Variants in CNOT10 observed in about 807,000 individuals in gnomAD.
CNOT10 encodes CCR4-NOT transcription complex, subunit 10.
A neutral mutation model predicts 94.6 loss-of-function variants in CNOT10; 30 were observed. The ratio of observed to expected loss-of-function variants is 0.32; its 90% CI spans 0.24 to 0.43. CNOT10 has a LOEUF of 0.43. Ranked by LOEUF, CNOT10 falls within the 20% of genes least tolerant of loss-of-function variation. The pLI is 1.00. For missense variants in CNOT10, 759 were observed against 877.2 expected (o/e 0.87, Z 1.70); for synonymous variants, 289 against 301.6 (o/e 0.96, Z 0.43).
intron 1 of CNOT10, among the ~76,000 whole-genome samples, chr3:32,689,222 A>T (rs1696751739): frequency 6.6e-6 from 1 of 151,998 alleles, no homozygotes; most frequent in African/African-American, 2.4e-5. Context: ...TCGTGGTGGC[A>T]GACGCCTGTA....
chr3:32,732,572 C>T (rs982115044), intron 10 of CNOT10, among the ~76,000 whole-genome samples: 5 of 151,296 alleles, frequency 3.3e-5, no homozygotes, highest in Non-Finnish European at 4.4e-5. Flanking sequence ...GGCAACAGAG[C>T]CAGACCTTGT....
intron 13 of CNOT10, among the ~76,000 whole-genome samples, chr3:32,748,622 C>T (rs1156566502): frequency 6.6e-6 from 1 of 151,774 alleles, no homozygotes; most frequent in African/African-American, 2.4e-5. Flanking sequence ...AAATTATTCT[C>T]CTGCCTCAGC....
chr3:32,717,765 C>T (rs1319093986), intron 7 of CNOT10, among the ~76,000 whole-genome samples: 1 of 151,958 alleles, frequency 6.6e-6, no homozygotes. Flanking sequence ...ACTAGGGAGG[C>T]TAAAGTGGGA....
chr3:32,689,734 G>A (rs1429749906), intron 1 of CNOT10, among the ~76,000 whole-genome samples: 1 of 152,076 alleles, frequency 6.6e-6, no homozygotes, highest in Non-Finnish European at 1.5e-5. Context: ...TGGGAGAATC[G>A]CTTGAGGCCA....
intron 1 of CNOT10, among the ~76,000 whole-genome samples, chr3:32,687,458 T>TG (rs1696668257): frequency 1.1e-4 from 12 of 108,046 alleles, no homozygotes; most frequent in African/African-American, 2.3e-4. Flanking sequence ...TTTTGTTTTT[T>TG]TTTTTTTTTT....
At position 32,725,439 on chromosome 3, in the gene CNOT10, A is replaced by T; in HGVS notation, c.863-11A>T. 6.2e-7 allele frequency: 1 copy of T among 1,611,750 alleles called. No homozygotes were observed. Among genetic ancestry groups the T allele is most frequent in the East Asian group, 2.2e-5 (1 of 44,866 alleles). ...TTTTTCTGTGGACAAATTTATTTGCATTTTTTTCAGGTGAATGCTTGAGAT... is the reference window on the plus strand; with the variant it reads ...TTTTTCTGTGGACAAATTTATTTGCTTTTTTTTCAGGTGAATGCTTGAGAT... On this transcript the variant is annotated splice_polypyrimidine_tract_variant and intron_variant, in intron 8 of 18. Transcript: ENST00000328834.
At chr3:32,687,687 T>C (rs1187692449) in intron 1 of CNOT10, 2 of 152,076 alleles carry the variant, frequency 1.3e-5, no homozygotes, top group Non-Finnish European at 2.9e-5. Flanking sequence ...TTTCCTGACC[T>C]TGTGATCCGC....
chr3:32,695,604 A>G, intron 1 of CNOT10: 1 of 1,535,128 alleles, frequency 6.5e-7, no homozygotes, highest in African/African-American at 1.4e-5. Flanking sequence ...GTTCAAACCT[A>G]AAGGCAATTG....
chr3:32,714,337 C>A (rs574605620), intron 5 of CNOT10, among the ~76,000 whole-genome samples: 2 of 146,840 alleles, frequency 1.4e-5, no homozygotes, highest in African/African-American at 5.0e-5. Flanking sequence ...GGAATTAAGA[C>A]AATAGAATCC....
At chr3:32,726,350 T>C (rs1698664306) in intron 9 of CNOT10, among the ~76,000 whole-genome samples, 1 of 152,160 alleles carries the variant, frequency 6.6e-6, no homozygotes, top group African/African-American at 2.4e-5. Flanking sequence ...ATCATATGGA[T>C]CCTTGATCTG....
chr3:32,751,815 C>T (rs187920655), intron 13 of CNOT10, among the ~76,000 whole-genome samples: 1 of 152,202 alleles, frequency 6.6e-6, no homozygotes, highest in Non-Finnish European at 1.5e-5. Flanking sequence ...TTCAGTCTTA[C>T]GACTGAGTGT....
chr3:32,695,222 A>G (rs1696996369), intron 1 of CNOT10, among the ~76,000 whole-genome samples: 1 of 152,184 alleles, frequency 6.6e-6, no homozygotes, highest in Non-Finnish European at 1.5e-5. Flanking sequence ...TTGGTAAGTC[A>G]AGTATACTTG....
intron 11 of CNOT10, among the ~76,000 whole-genome samples, chr3:32,733,992 A>G (rs572415161): frequency 8.5e-5 from 13 of 152,242 alleles, no homozygotes; most frequent in Non-Finnish European, 1.5e-4. Context: ...AAGCTGTCAC[A>G]TGTATAATCT....
intron 1 of CNOT10, among the ~76,000 whole-genome samples, chr3:32,691,159 C>CTTTTT (rs34462848): frequency 2.3e-5 from 2 of 88,178 alleles, no homozygotes; most frequent in Admixed American, 1.4e-4. Context: ...CCACAGCCAG[C>CTTTTT]TTTTTTTTTT....
At chr3:32,726,337 A>G (rs1054014655) in intron 9 of CNOT10, among the ~76,000 whole-genome samples, 3 of 152,182 alleles carry the variant, frequency 2.0e-5, no homozygotes, top group African/African-American at 7.2e-5. Context: ...TTTAATATTC[A>G]TTATCATATG....
rs191344017 is a variant in CNOT10 at position 32,702,527 on chromosome 3, A to T, written c.23-1341A>T. Reference sequence around the variant, plus strand: ...ACTTAACATATTAAAGAAACTTTTTAAATGTGTTAATATTTTGGATTTCTG... The same window carrying T: ...ACTTAACATATTAAAGAAACTTTTTTAATGTGTTAATATTTTGGATTTCTG... On this transcript the variant is annotated intron_variant, in intron 1 of 18. Coordinates refer to ENST00000328834, the MANE Select transcript of CNOT10 (RefSeq NM_015442.3). Among the ~76,000 whole-genome samples, 807 of 152,350 alleles carry T rather than the reference A, an allele frequency of 5.3e-3. 13 individuals carry two copies. The highest frequency in any genetic ancestry group is 8.3e-3 in the Non-Finnish European group (565 of 68,022).
At chr3:32,720,356 A>C (rs1012150059) in intron 8 of CNOT10, 125 bp downstream of exon 8, 72 of 453,090 alleles carry the variant, frequency 1.6e-4, no homozygotes, top group Non-Finnish European at 1.9e-4. Context: ...AAATGTTTTA[A>C]TATTTCTGGT....
intron 1 of CNOT10, among the ~76,000 whole-genome samples, chr3:32,695,096 C>G (rs931524518): frequency 2.0e-5 from 3 of 152,178 alleles, no homozygotes; most frequent in Non-Finnish European, 2.9e-5. Context: ...AATTCTGTAA[C>G]ATTGCTTGTT....
chr3:32,753,311 C>T lies in CNOT10; in HGVS notation c.1596-6147C>T, dbSNP rs113851569. 3.6e-5 allele frequency: 36 copies of T among 988,072 alleles called. No homozygotes were observed. The African/African-American group carries it at 4.1e-4, about 11-fold the overall frequency. The allele number at this position is 988,072 out of a possible 1,614,324, so 61.2% of individuals were successfully genotyped here. A position where few individuals can be genotyped will look rare whatever the true frequency, so the allele number is the denominator to read the frequency against. ...TGGCCCAGAATCTGATGTGTGGACT[C>T]ATCAGTCAAAAATCAGGTATGACTG... On this transcript the variant is annotated intron_variant, in intron 13 of 18. Coordinates refer to ENST00000328834, the MANE Select transcript of CNOT10 (RefSeq NM_015442.3).
Sources: gnomAD v4.1 joint callset for allele counts (sites outside exome capture counted in the v4.1 genomes callset) on GRCh38, gnomAD v4.1.1 for gene constraint, MANE v1.5 for transcripts, NCBI Gene and HGNC (gene_info 2026-07-23, HGNC 2026-07-21) for gene names.